The following ADPRS variants were observed in gnomAD, a reference collection of about 807,000 sequenced individuals.
ADPRS encodes ADP-ribosylserine hydrolase.
Under a neutral mutation model 32.1 loss-of-function variants are expected in ADPRS, and 25 were observed. The ratio of observed to expected loss-of-function variants is 0.78; its 90% confidence interval spans 0.57 to 1.09. ADPRS has a LOEUF of 1.09. ADPRS is among the 50% of genes least tolerant of loss of function. ADPRS has a pLI of 0.00. For missense variants in ADPRS, 482 were observed against 480.6 expected (o/e 1.00, Z -0.03); for synonymous variants, 225 against 201.0 (o/e 1.12, Z -1.01).
chr1:36,092,946 G>A (rs2124057893), intron 5 of ADPRS, 151 bp from the exon 6 acceptor site: 1 of 764,422 alleles, frequency 1.3e-6, no homozygotes, highest in Middle Eastern at 3.9e-4. Flanking sequence ...CGCAGCCAGT[G>A]TGTGGTGGAG....
intron 2 of ADPRS, 139 bp downstream of exon 2, chr1:36,091,479 C>A: frequency 8.2e-7 from 1 of 1,212,916 alleles, no homozygotes; most frequent in South Asian, 1.4e-5. Flanking sequence ...GCTTCCCAAG[C>A]TAAAACAGCA....
rs1643436496 is a variant in ADPRS, at chr1:36,088,901, G to T, written c.-4G>T. 6.6e-7 allele frequency: 1 copy of T among 1,526,288 alleles called. No individual in the cohort carries two copies. Among genetic ancestry groups the T allele is most frequent in the South Asian group, 1.2e-5 (1 of 83,686 alleles). 94.5% of individuals were successfully genotyped at this position (1,526,288 alleles called of 1,614,324 possible). On this transcript the variant is annotated 5_prime_UTR_variant, in exon 1 of 6. Transcript: ENST00000373178. Reference sequence around the variant, plus strand: ...ACCGGAAGTGGCGAGCAGTCTGCGCGCGGATGGCCGCAGCGGCGATGGCGG... The same window carrying T: ...ACCGGAAGTGGCGAGCAGTCTGCGCTCGGATGGCCGCAGCGGCGATGGCGG...
intron 4 of ADPRS, 61 bp downstream of exon 4, chr1:36,092,155 A>G (rs1252778666): frequency 1.3e-6 from 2 of 1,534,846 alleles, no homozygotes; most frequent in Non-Finnish European, 1.8e-6. Context: ...GGCCTCTGGC[A>G]TTGCCGCAAA....
chr1:36,091,917 G>A lies in ADPRS; in HGVS notation c.524G>A (p.Arg175Gln), dbSNP rs374286043. The A allele has an allele frequency of 5.6e-6, 9 of 1,602,078 alleles. No homozygotes were observed. Among genetic ancestry groups the A allele is most frequent in the African/African-American group, 4.0e-5 (3 of 74,718 alleles). ...AGGTCTCCTCCTCCCTAGTTTGCCC[G>A]GCTCTCGGCCCAGCTGACACACGCC... The part of the protein sequence containing the change: ...SSVQDVQKFA[R>Q]LSAQLTHASS... Residue 175 changes from arginine to glutamine, a missense_variant, in exon 4 of 6, where the codon CGG becomes CAG. Arg to Gln is a conservative substitution (Grantham distance 43). Coordinates refer to ENST00000373178, the MANE Select transcript of ADPRS (RefSeq NM_017825.3).
At chr1:36,090,822 C>T (rs1317519333) in intron 1 of ADPRS, among the ~76,000 whole-genome samples, 1 of 151,920 alleles carries the variant, frequency 6.6e-6, no homozygotes, top group Non-Finnish European at 1.5e-5. Flanking sequence ...TGCACTGCAG[C>T]TTAGGCAACA....
At chr1:36,092,387 G>A (rs772813149) in intron 4 of ADPRS, 35 bp from the exon 5 acceptor site, 8 of 1,605,732 alleles carry the variant, frequency 5.0e-6, no homozygotes, top group East Asian at 2.2e-5. Context: ...CACCCTGCTA[G>A]CTCTGACCTC....
rs766568691 is a variant in ADPRS, at chr1:36,093,227, T to C, written c.933T>C (p.Leu311=). 17 of 1,614,112 alleles carry C rather than the reference T, an allele frequency of 1.1e-5. No homozygotes were observed. In the East Asian group the frequency reaches 3.6e-4, roughly 34 times the overall value. Residue 311 remains leucine, a synonymous_variant, in exon 6 of 6, where the codon CTT becomes CTC. Transcript: ENST00000373178. ...GGACTCTCATTTATTCCATCTCACT[T>C]GGTGGGGACACAGACACCATTGCCA... ...LQRTLIYSIS[L]GGDTDTIATM...
rs1000591876 is a variant in ADPRS at position 36,093,609 on chromosome 1, T to C, written c.*223T>C. 1 of 595,316 alleles carries C rather than the reference T, an allele frequency of 1.7e-6. No individual in the cohort carries two copies. The highest frequency in any genetic ancestry group is 1.9e-5 in the African/African-American group (1 of 53,870). The allele number at this position is 595,316 out of a possible 1,614,324, so 36.9% of individuals were successfully genotyped here. A position where few individuals can be genotyped will look rare whatever the true frequency, so the allele number is the denominator to read the frequency against. Reference sequence around the variant, plus strand: ...GGGTCTCTGGTTTGCTGCAGAGCCGTAGGACACTCCTGGCTCCTCAGTAGG... The same window carrying C: ...GGGTCTCTGGTTTGCTGCAGAGCCGCAGGACACTCCTGGCTCCTCAGTAGG... On this transcript the variant is annotated 3_prime_UTR_variant, in exon 6 of 6. Coordinates refer to ENST00000373178, the MANE Select transcript of ADPRS (RefSeq NM_017825.3).
At chr1:36,091,143 TG>T in intron 1 of ADPRS, 100 bp from the exon 2 acceptor site, 1 of 895,722 alleles carries the variant, frequency 1.1e-6, no homozygotes, top group Non-Finnish European at 1.8e-6. Flanking sequence ...CACTCCAGTC[TG>T]GGCAACAGAG....
At chr1:36,089,803 C>A (rs1643454674) in intron 1 of ADPRS, among the ~76,000 whole-genome samples, 1 of 152,196 alleles carries the variant, frequency 6.6e-6, no homozygotes. Flanking sequence ...GTTCCTCACA[C>A]CATGATTCCT....
intron 1 of ADPRS, among the ~76,000 whole-genome samples, chr1:36,089,743 C>T (rs889916942): frequency 1.3e-5 from 2 of 152,230 alleles, no homozygotes; most frequent in Non-Finnish European, 2.9e-5. Context: ...CCCTCCCACA[C>T]GTCTGCAGTT....
chr1:36,093,203 G>A lies in ADPRS; in HGVS notation c.909G>A (p.Arg303=). 6.2e-7 allele frequency: 1 copy of A among 1,614,190 alleles called. No individual in the cohort carries two copies. The highest frequency in any genetic ancestry group is 1.3e-5 in the African/African-American group (1 of 75,040). Residue 303 remains arginine, a synonymous_variant, in exon 6 of 6, where the codon AGG becomes AGA. Transcript: ENST00000373178. ...CTTCTGCCTTCAATAGCCTCCAAAG[G>A]ACTCTCATTTATTCCATCTCACTTG... ...EIPSAFNSLQ[R]TLIYSISLGG... is the part of the protein sequence containing the mutation.
chr1:36,092,114 TGTGTG>T lies in ADPRS; in HGVS notation c.701+27_701+31del. On this transcript the variant is annotated intron_variant, in intron 4 of 5. Coordinates refer to ENST00000373178, the MANE Select transcript of ADPRS (RefSeq NM_017825.3). The stretch of plus-strand genomic sequence containing the variant: ...CAGGGAGTGAGTATGGGGCTGGAGG[TGTGTG>T]GTGTGGGTATGTGGGTGATCCAGGG... 4 of 1,584,044 alleles carry T rather than the reference TGTGTG, an allele frequency of 2.5e-6. No individual in the cohort carries two copies. The highest frequency in any genetic ancestry group is 3.4e-6 in the Non-Finnish European group (4 of 1,161,864).
chr1:36,093,067 T>C, intron 5 of ADPRS, 30 bp from the exon 6 acceptor site: 1 of 1,601,220 alleles, frequency 6.2e-7, no homozygotes, highest in Non-Finnish European at 8.5e-7. Flanking sequence ...TGGGGAAGCA[T>C]GCAGCCCCTC....
Position 36,091,301 on chromosome 1 carries a change from T to A in ADPRS, c.269T>A (p.Leu90Gln). 6.2e-7 allele frequency: 1 copy of A among 1,614,186 alleles called. No homozygotes were observed. Among genetic ancestry groups the A allele is most frequent in the Non-Finnish European group, 8.5e-7 (1 of 1,180,006 alleles). The change falls in exon 2 of 6, where the codon CTA (leucine) becomes CAA (glutamine). Residue 90 changes from leucine (L) to glutamine (Q), a missense_variant. Physicochemically the swap from Leu to Gln is moderately radical, Grantham distance 113. Coordinates refer to ENST00000373178, the MANE Select transcript of ADPRS (RefSeq NM_017825.3). ...GCCAGGGCCCTGGTGCAGTCCCTGC[T>A]AGCCAAGGAGGCCTTTGACGAGGTG... is the stretch of plus-strand genomic sequence containing the variant. Reference protein sequence around the residue: ...AMARALVQSLLAKEAFDEVDM... With the variant: ...AMARALVQSLQAKEAFDEVDM...
intron 5 of ADPRS, 27 bp downstream of exon 5, chr1:36,092,549 C>G: frequency 1.2e-6 from 2 of 1,607,250 alleles, no homozygotes; most frequent in Non-Finnish European, 1.7e-6. Context: ...GGGATTGTCT[C>G]TCCCTCTGTC....
chr1:36,092,530 G>A lies in ADPRS; in HGVS notation c.802+8G>A. The A allele has an allele frequency of 1.2e-6, 2 of 1,613,484 alleles. No individual in the cohort carries two copies. Among genetic ancestry groups the A allele is most frequent in the African/African-American group, 1.3e-5 (1 of 75,004 alleles). ...AAGTGGTGTCTGAGCTAGGTGAGTG[G>A]GTCTGCCTGGGATTGTCTCTCCCTC... On this transcript the variant is annotated splice_region_variant and intron_variant, in intron 5 of 5. Transcript: ENST00000373178.
Position 36,093,339 on chromosome 1 carries a change from A to G in ADPRS, c.1045A>G (p.Thr349Ala), listed in dbSNP as rs1238039862. ...GCAAAGCTGTGAAGGCTACGAGGAG[A>G]CAGACATCCTGGCCCAAAGCCTGCA... is the stretch of plus-strand genomic sequence containing the variant. Reference protein sequence around the residue: ...WQQSCEGYEETDILAQSLHRV... With the variant: ...WQQSCEGYEEADILAQSLHRV... The change falls in exon 6 of 6, where the codon ACA (threonine) becomes GCA (alanine). Residue 349 changes from threonine to alanine, a missense_variant. By Grantham distance (58) the Thr-to-Ala change is moderately conservative. Coordinates refer to ENST00000373178, the MANE Select transcript of ADPRS (RefSeq NM_017825.3). The G allele has an allele frequency of 2.3e-5, 37 of 1,614,212 alleles. No homozygotes were observed. The East Asian group carries it at 8.2e-4, about 36-fold the overall frequency.
In ADPRS at chr1:36,090,113, T is replaced by C. The variant is rs116095689; in HGVS notation, c.211+998T>C. ...ATTTCAAAATGAAGACACTGATCAC[T>C]GGTGGTGTGCTCCAGAGAAGTGAAG... On this transcript the variant is annotated intron_variant, in intron 1 of 5. Transcript: ENST00000373178. Among the ~76,000 whole-genome samples, 946 of 152,260 alleles carry C rather than the reference T, an allele frequency of 6.2e-3. 10 individuals are homozygous for C. Among genetic ancestry groups the C allele is most frequent in the African/African-American group, 0.022 (897 of 41,554 alleles).
Sources: allele counts gnomAD v4.1 joint callset (sites outside exome capture counted in the v4.1 genomes callset), GRCh38; gene constraint gnomAD v4.1.1; transcripts MANE v1.5; gene names NCBI Gene and HGNC (gene_info 2026-07-23, HGNC 2026-07-21).